The following GALNT7 variants were observed in gnomAD, a reference collection of about 807,000 sequenced individuals.
GALNT7 encodes the protein polypeptide N-acetylgalactosaminyltransferase 7.
A neutral mutation model predicts 82.1 loss-of-function variants in GALNT7; 60 were observed. That is an observed-to-expected ratio of 0.73 (90% CI 0.59 to 0.91). The LOEUF (loss-of-function observed/expected upper bound fraction) is 0.91, where lower values mean the gene tolerates loss of function less well. Among genes scored for constraint, GALNT7 ranks in the 40% least tolerant of loss-of-function variants. The pLI is 0.00. For missense variants in GALNT7, 660 were observed against 804.2 expected (o/e 0.82, Z 2.17); for synonymous variants, 243 against 275.1 (o/e 0.88, Z 1.15).
At chr4:173,230,831 T>C (rs80158141) in intron 1 of GALNT7, among the ~76,000 whole-genome samples, 1 of 152,178 alleles carries the variant, frequency 6.6e-6, no homozygotes, top group Non-Finnish European at 1.5e-5. Context: ...CTGGGAAATA[T>C]AGTAAATTAT....
intron 2 of GALNT7, among the ~76,000 whole-genome samples, chr4:173,259,712 A>C (rs1022744862): frequency 6.6e-6 from 1 of 152,116 alleles, no homozygotes. Context: ...ATCTCAGCTC[A>C]CTGCAACCTC....
chr4:173,229,747 C>A (rs1193684614), intron 1 of GALNT7, among the ~76,000 whole-genome samples: 2 of 152,184 alleles, frequency 1.3e-5, no homozygotes, highest in African/African-American at 4.8e-5. Flanking sequence ...TGTATGGGTT[C>A]TTCTACCTTC....
Position 173,321,585 on chromosome 4 carries a change from G to A in GALNT7, c.1842G>A (p.Leu614=), listed in dbSNP as rs775233640. The change falls in exon 12 of 12, where the codon CTG becomes CTA. Residue 614 remains leucine (L), a synonymous_variant. Coordinates refer to ENST00000265000, the MANE Select transcript of GALNT7 (RefSeq NM_017423.3). ...EFKEWQYFKN[L]HRFTHIPSGK... is the part of the protein sequence containing the mutation. ...TTTCTTACTGTGTTTTCCAGAACCT[G>A]CACAGATTTACTCATATTCCTTCAG... 3 of 1,611,150 alleles carry A rather than the reference G, an allele frequency of 1.9e-6. No individual in the cohort carries two copies. The highest frequency in any genetic ancestry group is 2.5e-6 in the Non-Finnish European group (3 of 1,177,682).
intron 1 of GALNT7, among the ~76,000 whole-genome samples, chr4:173,205,487 C>T (rs1733058610): frequency 6.6e-6 from 1 of 151,898 alleles, no homozygotes; most frequent in African/African-American, 2.4e-5. Context: ...CTGTTCTTCT[C>T]TCTTGCTGTC....
intron 2 of GALNT7, among the ~76,000 whole-genome samples, chr4:173,250,263 G>A (rs548268540): frequency 6.6e-6 from 1 of 152,242 alleles, no homozygotes; most frequent in East Asian, 1.9e-4. Context: ...CAATCAGAGG[G>A]TGAGCTTAAC....
At position 173,240,672 on chromosome 4, in the gene GALNT7, A is replaced by G. The variant is rs183941415; in HGVS notation, c.127-7308A>G. Among the ~76,000 whole-genome samples the G allele has an allele frequency of 2.2e-3, 335 of 152,298 alleles. 7 individuals carry two copies. The highest frequency in any genetic ancestry group is 6.2e-4 in the Non-Finnish European group (42 of 68,014). Reference sequence around the variant, plus strand: ...GCATGAGCCACCGTGCCCAGCCGAAACTAAGACTGGGGATACCATCAGTGC... The same window carrying G: ...GCATGAGCCACCGTGCCCAGCCGAAGCTAAGACTGGGGATACCATCAGTGC... On this transcript the variant is annotated intron_variant, in intron 1 of 11. Transcript: ENST00000265000.
chr4:173,250,216 C>A (rs925039177), intron 2 of GALNT7, among the ~76,000 whole-genome samples: 1 of 152,080 alleles, frequency 6.6e-6, no homozygotes, highest in Non-Finnish European at 1.5e-5. Flanking sequence ...AGGTATATAT[C>A]TCTCTCTCTG....
At chr4:173,222,169 G>A (rs1733666607) in intron 1 of GALNT7, among the ~76,000 whole-genome samples, 1 of 152,016 alleles carries the variant, frequency 6.6e-6, no homozygotes, top group African/African-American at 2.4e-5. Flanking sequence ...GTGTGAGTGG[G>A]GGCATTTGTT....
chr4:173,259,574 A>G (rs575490751), intron 2 of GALNT7, among the ~76,000 whole-genome samples: 33 of 152,082 alleles, frequency 2.2e-4, no homozygotes, highest in African/African-American at 8.0e-4. Flanking sequence ...ATTCTGAGTT[A>G]TATTAAACTC....
chr4:173,204,450 A>T (rs769592340), intron 1 of GALNT7, among the ~76,000 whole-genome samples: 7 of 152,140 alleles, frequency 4.6e-5, no homozygotes, highest in Non-Finnish European at 8.8e-5. Context: ...TCTTCAATTC[A>T]GTTCAAATAT....
At chr4:173,285,791 T>A (rs1157383952) in intron 2 of GALNT7, among the ~76,000 whole-genome samples, 3 of 152,138 alleles carry the variant, frequency 2.0e-5, no homozygotes, top group Non-Finnish European at 4.4e-5. Context: ...CAGGGCTTAA[T>A]AAACAAGCAC....
intron 1 of GALNT7, among the ~76,000 whole-genome samples, chr4:173,195,567 A>G (rs947281374): frequency 1.3e-5 from 2 of 152,254 alleles, no homozygotes; most frequent in African/African-American, 4.8e-5. Context: ...ATACCTGAGT[A>G]TAACCCCAAA....
At chr4:173,183,739 C>A (rs1281619330) in intron 1 of GALNT7, among the ~76,000 whole-genome samples, 1 of 149,472 alleles carries the variant, frequency 6.7e-6, no homozygotes, top group African/African-American at 2.5e-5. Flanking sequence ...CGGGCGGGGT[C>A]TGCCCCCCAC....
chr4:173,219,057 A>C (rs1733557814), intron 1 of GALNT7, among the ~76,000 whole-genome samples: 1 of 151,986 alleles, frequency 6.6e-6, no homozygotes, highest in South Asian at 2.1e-4. Context: ...GGTGATTTCC[A>C]AGATTTTGGT....
chr4:173,170,131 T>G (rs1731809151), intron 1 of GALNT7, among the ~76,000 whole-genome samples: 1 of 152,020 alleles, frequency 6.6e-6, no homozygotes, highest in Non-Finnish European at 1.5e-5. Flanking sequence ...CCTGACCTGC[T>G]TCCCCCCGGA....
intron 1 of GALNT7, among the ~76,000 whole-genome samples, chr4:173,183,754 C>T (rs1326300887): frequency 2.7e-5 from 4 of 149,260 alleles, no homozygotes; most frequent in African/African-American, 4.9e-5. Context: ...CCCCACCTCC[C>T]GGACGGGGCG....
At chr4:173,311,559 A>G (rs1486872550) in intron 8 of GALNT7, among the ~76,000 whole-genome samples, 2 of 152,132 alleles carry the variant, frequency 1.3e-5, no homozygotes, top group Non-Finnish European at 2.9e-5. Context: ...AGCAGGAGCA[A>G]GAGAGAGAAG....
At position 173,298,269 on chromosome 4, in the gene GALNT7, C is replaced by T; in HGVS notation, c.1120C>T (p.Leu374=). 1.3e-6 allele frequency: 2 copies of T among 1,577,886 alleles called. No individual in the cohort carries two copies. The highest frequency in any genetic ancestry group is 1.7e-6 in the Non-Finnish European group (2 of 1,168,352). Residue 374 remains leucine, a synonymous_variant, in exon 6 of 12, where the codon CTG becomes TTG. Coordinates refer to ENST00000265000, the MANE Select transcript of GALNT7 (RefSeq NM_017423.3). ...RVPLTPQEKR[L]RKTKTEPYRS... is the part of the protein sequence containing the mutation. ...GCCTCTGACCCCTCAAGAGAAGAGA[C>T]TGAGAAAGACAAAAACTGAACCGTA...
intron 2 of GALNT7, among the ~76,000 whole-genome samples, chr4:173,259,957 T>G (rs1035155483): frequency 6.6e-6 from 1 of 152,142 alleles, no homozygotes; most frequent in Non-Finnish European, 1.5e-5. Flanking sequence ...TATTTTTAAT[T>G]AGAAGAATTG....
Sources: allele counts gnomAD v4.1 joint callset (sites outside exome capture counted in the v4.1 genomes callset), GRCh38; gene constraint gnomAD v4.1.1; transcripts MANE v1.5; gene names NCBI Gene and HGNC (gene_info 2026-07-23, HGNC 2026-07-21).